Variants in NDST4 observed in about 807,000 individuals in gnomAD.
The protein encoded by NDST4 is N-deacetylase and N-sulfotransferase 4.
Under a neutral mutation model 100.8 loss-of-function variants are expected in NDST4, and 63 were observed. The ratio of observed to expected loss-of-function variants is 0.62; its 90% CI spans 0.51 to 0.77. NDST4 has a LOEUF of 0.77. Ranked by LOEUF, NDST4 falls within the 30% of genes least tolerant of loss-of-function variation. NDST4 has a pLI of 0.00. For synonymous variants in NDST4, 377 were observed against 361.8 expected (o/e 1.04, Z -0.48); for missense variants, 943 against 1,018.4 (o/e 0.93, Z 1.01).
At chr4:115,096,656 C>A (rs1313352499) in intron 1 of NDST4, among the ~76,000 whole-genome samples, 1 of 152,064 alleles carries the variant, frequency 6.6e-6, no homozygotes, top group Non-Finnish European at 1.5e-5. Flanking sequence ...GATATTGCTT[C>A]AGTAATACTT....
At chr4:114,918,573 A>C (rs1725224386) in intron 6 of NDST4, among the ~76,000 whole-genome samples, 1 of 151,780 alleles carries the variant, frequency 6.6e-6, no homozygotes. Flanking sequence ...AAAAAAAATA[A>C]AATAAAAAAT....
At chr4:115,041,276 T>C (rs1728346706) in intron 2 of NDST4, among the ~76,000 whole-genome samples, 1 of 152,066 alleles carries the variant, frequency 6.6e-6, no homozygotes, top group East Asian at 1.9e-4. Flanking sequence ...AACTCTCAAT[T>C]TACAGAAAAT....
intron 2 of NDST4, among the ~76,000 whole-genome samples, chr4:115,021,249 T>C (rs1315576468): frequency 1.3e-5 from 2 of 151,420 alleles, no homozygotes; most frequent in Non-Finnish European, 2.9e-5. Flanking sequence ...TCCACATATA[T>C]ATATTCCACA....
intron 6 of NDST4, among the ~76,000 whole-genome samples, chr4:114,875,105 A>C (rs1724230120): frequency 6.6e-6 from 1 of 152,160 alleles, no homozygotes; most frequent in Non-Finnish European, 1.5e-5. Flanking sequence ...TTGAAGAATA[A>C]GATGTTCAGT....
intron 1 of NDST4, among the ~76,000 whole-genome samples, chr4:115,081,541 A>C (rs563820): frequency 0.26 from 38,876 of 152,070 alleles, 6,816 homozygotes; most frequent in African/African-American, 0.47. Flanking sequence ...AAGAATCTTA[A>C]GTCGTTACCA....
rs201656452 is a variant in NDST4 at position 114,935,368 on chromosome 4, G to T, written c.1408-34C>A. The stretch of plus-strand genomic sequence containing the variant: ...AAAAGGGGAAAAACAGCACATGGAC[G>T]TGATTTAATTAAGAACTTCACCTGT... On this transcript the variant is annotated intron_variant, in intron 5 of 13. Transcript: ENST00000264363. 7.8e-5 allele frequency: 118 copies of T among 1,505,370 alleles called. No homozygotes were observed. In the African/African-American group the frequency reaches 1.3e-3, roughly 17 times the overall value. 93.3% of individuals were successfully genotyped at this position (1,505,370 alleles called of 1,614,324 possible). A position where few individuals can be genotyped will look rare whatever the true frequency, so the allele number is the denominator to read the frequency against.
intron 2 of NDST4, among the ~76,000 whole-genome samples, chr4:114,994,200 G>A (rs939776847): frequency 2.0e-5 from 3 of 151,882 alleles, no homozygotes; most frequent in Non-Finnish European, 4.4e-5. Context: ...TTTAAAATAT[G>A]TAATTTTCTG....
At chr4:114,993,166 T>C (rs1358036375) in intron 2 of NDST4, among the ~76,000 whole-genome samples, 1 of 151,946 alleles carries the variant, frequency 6.6e-6, no homozygotes, top group African/African-American at 2.4e-5. Flanking sequence ...GCTGAGGCAT[T>C]ACAAATATTT....
chr4:114,927,810 G>C (rs1725416162), intron 6 of NDST4, among the ~76,000 whole-genome samples: 1 of 152,042 alleles, frequency 6.6e-6, no homozygotes, highest in Non-Finnish European at 1.5e-5. Flanking sequence ...AATGGAAAAG[G>C]AAATCCAGCA....
At chr4:114,856,476 A>T (rs897706934) in intron 7 of NDST4, among the ~76,000 whole-genome samples, 1 of 152,184 alleles carries the variant, frequency 6.6e-6, no homozygotes, top group Non-Finnish European at 1.5e-5. Flanking sequence ...AATACTTTTA[A>T]ATATAACACT....
intron 2 of NDST4, among the ~76,000 whole-genome samples, chr4:114,993,736 A>C (rs1403076898): frequency 6.6e-6 from 1 of 151,976 alleles, no homozygotes; most frequent in Non-Finnish European, 1.5e-5. Flanking sequence ...CTGTCTAAAA[A>C]AGTTCCATCC....
intron 4 of NDST4, among the ~76,000 whole-genome samples, chr4:114,943,170 C>A (rs1725786866): frequency 6.7e-6 from 1 of 149,708 alleles, no homozygotes; most frequent in South Asian, 2.1e-4. Context: ...ATAAAATTCA[C>A]ATAAAAAGTT....
chr4:114,900,338 C>G (rs1724809270), intron 6 of NDST4, among the ~76,000 whole-genome samples: 1 of 151,896 alleles, frequency 6.6e-6, no homozygotes, highest in Non-Finnish European at 1.5e-5. Flanking sequence ...GATTTCAGCT[C>G]TAATTTTTAT....
chr4:114,924,745 G>A (rs777938453), intron 6 of NDST4, among the ~76,000 whole-genome samples: 2 of 152,130 alleles, frequency 1.3e-5, no homozygotes, highest in African/African-American at 2.4e-5. Context: ...CATACAGTTC[G>A]ATGGAAGAAA....
intron 2 of NDST4, among the ~76,000 whole-genome samples, chr4:115,018,121 C>A (rs1727730164): frequency 6.6e-6 from 1 of 151,870 alleles, no homozygotes; most frequent in Non-Finnish European, 1.5e-5. Context: ...AAGGCTACTG[C>A]AGCCAAAATA....
At position 114,847,182 on chromosome 4, in the gene NDST4, C is replaced by G. The variant is rs1011290703; in HGVS notation, c.1940+1033G>C. ...ACGAGGTCAGGAGATCGAGACCATC[C>G]CGGCTAAAACGGTGAAACCCCGTCT... On this transcript the variant is annotated intron_variant, in intron 9 of 13. Transcript: ENST00000264363. Among the ~76,000 whole-genome samples the G allele has an allele frequency of 1.1e-4, 15 of 131,548 alleles. 4 individuals are homozygous for G. The highest frequency in any genetic ancestry group is 5.7e-4 in the African/African-American group (14 of 24,620). The allele number at this position is 131,548 out of a possible 152,430, so 86.3% of individuals were successfully genotyped here. A position where few individuals can be genotyped will look rare whatever the true frequency, so the allele number is the denominator to read the frequency against.
intron 4 of NDST4, among the ~76,000 whole-genome samples, chr4:114,955,252 C>T (rs76400873): frequency 0.06 from 9,054 of 152,134 alleles, 354 homozygotes; most frequent in Middle Eastern, 0.095. Context: ...GTGAGAGTCA[C>T]CAAACCAGGA....
intron 10 of NDST4, among the ~76,000 whole-genome samples, chr4:114,844,895 C>A (rs1212297816): frequency 6.6e-6 from 1 of 152,168 alleles, no homozygotes; most frequent in Non-Finnish European, 1.5e-5. Context: ...ACTAAAAGAT[C>A]TTTACATCCT....
chr4:114,926,251 G>A (rs182789732), intron 6 of NDST4, among the ~76,000 whole-genome samples: 20 of 152,064 alleles, frequency 1.3e-4, no homozygotes, highest in African/African-American at 3.1e-4. Context: ...GACAGATGTC[G>A]AAGTATGCTT....
Sources: allele counts gnomAD v4.1 joint callset (sites outside exome capture counted in the v4.1 genomes callset), GRCh38; gene constraint gnomAD v4.1.1; transcripts MANE v1.5; gene names NCBI Gene and HGNC (gene_info 2026-07-23, HGNC 2026-07-21).